The following KDM5A variants were observed in gnomAD, a reference collection of about 807,000 sequenced individuals.
KDM5A encodes the protein lysine demethylase 5A.
A neutral mutation model predicts 193.5 loss-of-function variants in KDM5A; 42 were observed. The ratio of observed to expected loss-of-function variants is 0.22; its 90% CI spans 0.17 to 0.28. The LOEUF is 0.28. Among genes scored for constraint, KDM5A ranks in the 10% least tolerant of loss-of-function variants. The pLI is 1.00. For missense variants in KDM5A, 1,692 were observed against 2,055.1 expected (o/e 0.82, Z 3.42); for synonymous variants, 796 against 718.1 (o/e 1.11, Z -1.73).
At chr12:323,460 A>T in intron 15 of KDM5A, 140 bp downstream of exon 15, 1 of 947,832 alleles carries the variant, frequency 1.1e-6, no homozygotes. Context: ...ACTTTAAGGG[A>T]CTGGTCTTCA....
chr12:340,521 C>T (rs748598094), intron 10 of KDM5A, among the ~76,000 whole-genome samples: 5 of 152,068 alleles, frequency 3.3e-5, no homozygotes, highest in Non-Finnish European at 5.9e-5. Context: ...TGGTGAAACC[C>T]TGTCTCTACT....
At chr12:334,515 AATATTT>A in intron 10 of KDM5A, 93 bp from the exon 11 acceptor site, 1 of 904,666 alleles carries the variant, frequency 1.1e-6, no homozygotes, top group Non-Finnish European at 1.8e-6. Context: ...ATTTTTTTAT[AATATTT>A]ATAATAGTCT....
intron 10 of KDM5A, among the ~76,000 whole-genome samples, chr12:344,170 T>C (rs1310343513): frequency 2.0e-5 from 3 of 152,160 alleles, no homozygotes; most frequent in African/African-American, 7.2e-5. Flanking sequence ...GTATCAGTGA[T>C]TGAAGATCAA....
At chr12:347,462 C>T (rs1056857126) in intron 10 of KDM5A, among the ~76,000 whole-genome samples, 1 of 152,150 alleles carries the variant, frequency 6.6e-6, no homozygotes, top group Admixed American at 6.6e-5. Flanking sequence ...CAAGATAATC[C>T]TAAGCAAAAA....
intron 19 of KDM5A, 134 bp from the exon 20 acceptor site, chr12:313,328 G>T: frequency 2.1e-6 from 2 of 945,324 alleles, no homozygotes; most frequent in Non-Finnish European, 3.3e-6. Context: ...AGGCAAAGCA[G>T]CTAGTATCTT....
At chr12:298,091 T>TG (rs973401812) in intron 24 of KDM5A, among the ~76,000 whole-genome samples, 1 of 152,192 alleles carries the variant, frequency 6.6e-6, no homozygotes, top group Non-Finnish European at 1.5e-5. Flanking sequence ...ACAGAGCACC[T>TG]GGGGGAAGGG....
In KDM5A at chr12:307,471, C is replaced by T; in HGVS notation, c.3913G>A (p.Ala1305Thr). The T allele has an allele frequency of 6.2e-7, 1 of 1,613,136 alleles. No individual in the cohort carries two copies. Among genetic ancestry groups the T allele is most frequent in the Non-Finnish European group, 8.5e-7 (1 of 1,180,012 alleles). ...IISAELQKAA[A>T]NPDLQGHLPS... ...AAACTTGCCTGTAAGTCTGGATTGG[C>T]AGCTGCTTTTTGGAGTTCTGCACTG... Residue 1305 changes from alanine (A) to threonine (T), a missense_variant, in exon 23 of 28, where the codon GCC (alanine) becomes ACC (threonine). Transcript: ENST00000399788. This position sits in a 1 kb window ranked among gnomAD's most constrained non-coding sequence, Gnocchi z 4.3.
In KDM5A at chr12:292,777, T is replaced by G. The variant is rs2137364837; in HGVS notation, c.4848A>C (p.Gln1616His). The G allele has an allele frequency of 6.2e-7, 1 of 1,614,248 alleles. No homozygotes were observed. Among genetic ancestry groups the G allele is most frequent in the South Asian group, 1.1e-5 (1 of 91,092 alleles). The change falls in exon 27 of 28, where the codon CAA becomes CAC. Residue 1616 changes from glutamine (Q) to histidine (H), a missense_variant. By Grantham distance (24) the Gln-to-His change is conservative (BLOSUM62 0). Coordinates refer to ENST00000399788, the MANE Select transcript of KDM5A (RefSeq NM_001042603.3). ...AACTCACCTTGTCCTTGCAGGGCCT[T>G]TGGCAGTTCTGTGCTGCGCACACAG... ...ENAVCAAQNCQRPCKDKVDWV... is the reference protein window; with the variant it reads ...ENAVCAAQNCHRPCKDKVDWV...
chr12:300,954 C>T (rs1370770754), intron 24 of KDM5A, among the ~76,000 whole-genome samples: 1 of 152,210 alleles, frequency 6.6e-6, no homozygotes, highest in African/African-American at 2.4e-5. Context: ...TTCCTGGACA[C>T]ATACAGCCTC....
At chr12:303,638 G>C (rs931808462) in intron 24 of KDM5A, among the ~76,000 whole-genome samples, 7 of 150,376 alleles carry the variant, frequency 4.7e-5, no homozygotes, top group African/African-American at 1.7e-4. Flanking sequence ...ATGTACCCCA[G>C]AACTTAAAGT....
rs775709475 is a variant in KDM5A, at chr12:389,110, G to T, written c.-19C>A. On this transcript the variant is annotated 5_prime_UTR_variant, in exon 1 of 28. Coordinates refer to ENST00000399788, the MANE Select transcript of KDM5A (RefSeq NM_001042603.3). The stretch of plus-strand genomic sequence containing the variant: ...CCGCCATTGCAACGGCCGGGGGGGG[G>T]GGGGGGTCCCCGTGGGGAACCGGTG... 14 of 1,602,586 alleles carry T rather than the reference G, an allele frequency of 8.7e-6. No individual in the cohort carries two copies. The highest frequency in any genetic ancestry group is 3.3e-5 in the South Asian group (3 of 90,574).
At chr12:336,043 CAAAAAAAAAAAA>C (rs753624871) in intron 10 of KDM5A, among the ~76,000 whole-genome samples, 5 of 42,020 alleles carry the variant, frequency 1.2e-4, no homozygotes, top group Non-Finnish European at 1.8e-4. Flanking sequence ...TACTTCATCT[CAAAAAAAAAAAA>C]AAAAAAAAAA....
intron 2 of KDM5A, 61 bp from the exon 3 acceptor site, chr12:384,214 CA>C: frequency 7.6e-7 from 1 of 1,308,734 alleles, no homozygotes; most frequent in Admixed American, 1.7e-5. Flanking sequence ...AATAACAGAG[CA>C]GGGGTCCCCA....
intron 26 of KDM5A, among the ~76,000 whole-genome samples, chr12:294,531 G>T (rs940113651): frequency 1.2e-4 from 19 of 152,168 alleles, no homozygotes; most frequent in Admixed American, 7.2e-4. Flanking sequence ...AAAGGATTGG[G>T]TAAGATAATG....
intron 10 of KDM5A, among the ~76,000 whole-genome samples, chr12:339,629 A>C (rs117493034): frequency 0.011 from 1,641 of 152,364 alleles, 14 homozygotes; most frequent in Middle Eastern, 0.027. Context: ...AAATAATTCC[A>C]ACAAGTTAAT....
intron 10 of KDM5A, among the ~76,000 whole-genome samples, chr12:348,456 T>C (rs1342376998): frequency 6.6e-6 from 1 of 152,160 alleles, no homozygotes; most frequent in African/African-American, 2.4e-5. Context: ...AAAGACACGT[T>C]CACACGTATG....
intron 10 of KDM5A, among the ~76,000 whole-genome samples, chr12:347,242 A>G (rs996819804): frequency 8.5e-5 from 13 of 152,160 alleles, no homozygotes; most frequent in African/African-American, 2.9e-4. Context: ...ACTACAAACC[A>G]CTGCTCAACG....
chr12:352,900 A>C (rs931185268), intron 8 of KDM5A, among the ~76,000 whole-genome samples: 1 of 152,248 alleles, frequency 6.6e-6, no homozygotes, highest in African/African-American at 2.4e-5. Flanking sequence ...ATGCATTTAC[A>C]TACACCCAGC....
In KDM5A at chr12:283,809, CA is replaced by C. The variant is rs1943183344; in HGVS notation, c.*1646del. ...GTGATGACAAAACACTATTTTTAGTCATTTTTTTTTTTGTCCTTTAAAAAAA... is the reference window on the plus strand; with the variant it reads ...GTGATGACAAAACACTATTTTTAGTCTTTTTTTTTTTGTCCTTTAAAAAAA... On this transcript the variant is annotated 3_prime_UTR_variant, in exon 28 of 28. Coordinates refer to ENST00000399788, the MANE Select transcript of KDM5A (RefSeq NM_001042603.3). 2 of 205,258 alleles carry C rather than the reference CA, an allele frequency of 9.7e-6. No individual in the cohort carries two copies. The highest frequency in any genetic ancestry group is 9.0e-6 in the Non-Finnish European group (1 of 111,010). The allele number at this position is 205,258 out of a possible 1,614,324, so 12.7% of individuals were successfully genotyped here. A position where few individuals can be genotyped will look rare whatever the true frequency, so the allele number is the denominator to read the frequency against.
Sources: allele counts gnomAD v4.1 joint callset (sites outside exome capture counted in the v4.1 genomes callset), GRCh38; gene constraint gnomAD v4.1.1; non-coding constraint Gnocchi (gnomAD v3.1); transcripts MANE v1.5; gene names NCBI Gene and HGNC (gene_info 2026-07-23, HGNC 2026-07-21).